The following GRIP1 variants were observed in gnomAD, a reference collection of about 807,000 sequenced individuals.
GRIP1 encodes the protein glutamate receptor-interacting protein 1.
In GRIP1, 45 loss-of-function variants were observed where a neutral mutation model predicts 129.9. The ratio of observed to expected loss-of-function variants is 0.35; its 90% CI spans 0.27 to 0.44. The LOEUF (loss-of-function observed/expected upper bound fraction) is 0.44. GRIP1 is among the 20% of genes least tolerant of loss of function. The pLI, the probability that GRIP1 is intolerant of heterozygous loss-of-function variation, is 1.00. For synonymous variants in GRIP1, 530 were observed against 520.8 expected (o/e 1.02, Z -0.24); for missense variants, 1,196 against 1,396.8 (o/e 0.86, Z 2.29).
At chr12:66,980,044 C>A (rs888188699) in intron 1 of GRIP1, among the ~76,000 whole-genome samples, 1 of 152,112 alleles carries the variant, frequency 6.6e-6, no homozygotes, top group African/African-American at 2.4e-5. Flanking sequence ...AGGAGAATGC[C>A]AGTGAGGCTT....
chr12:66,700,681 G>A (rs73128872), intron 1 of GRIP1, among the ~76,000 whole-genome samples: 12,165 of 152,108 alleles, frequency 0.08, 513 homozygotes, highest in East Asian at 0.096. Context: ...GGATAGGCTG[G>A]GGGGGAGAAT....
intron 1 of GRIP1, among the ~76,000 whole-genome samples, chr12:67,068,561 CA>C (rs2043672051): frequency 6.6e-6 from 1 of 152,072 alleles, no homozygotes; most frequent in Non-Finnish European, 1.5e-5. Flanking sequence ...GAATCTCCAG[CA>C]ACTTTGGGTT....
At chr12:66,685,538 T>C (rs1175744221) in intron 1 of GRIP1, among the ~76,000 whole-genome samples, 1 of 152,166 alleles carries the variant, frequency 6.6e-6, no homozygotes, top group Non-Finnish European at 1.5e-5. Context: ...AGACTAAAGC[T>C]GTCTTAAAAG....
intron 5 of GRIP1, among the ~76,000 whole-genome samples, chr12:66,528,857 C>A (rs1442329821): frequency 1.3e-5 from 2 of 152,000 alleles, no homozygotes; most frequent in Non-Finnish European, 2.9e-5. Flanking sequence ...ATTTTTCTAA[C>A]CCAGAGAGTG....
intron 1 of GRIP1, among the ~76,000 whole-genome samples, chr12:66,612,683 T>A (rs946109971): frequency 1.3e-5 from 2 of 151,946 alleles, no homozygotes; most frequent in African/African-American, 4.8e-5. Context: ...AATATCTAAA[T>A]ATAGAAAAGG....
rs1225918408 is a variant in GRIP1 at position 67,035,882 on chromosome 12, C to T, written c.58+33168G>A. Among the ~76,000 whole-genome samples, 3 of 152,270 alleles carry T rather than the reference C, an allele frequency of 2.0e-5. No homozygotes were observed. The East Asian group carries it at 5.8e-4, about 29-fold the overall frequency. ...TTTTTAACTTCTTAGTGCTGTACCT[C>T]CTTCCCAAAGAGTAAGCACTAAAAA... On this transcript the variant is annotated intron_variant, in intron 1 of 1. Coordinates refer to the GRIP1 transcript ENST00000643019.
At chr12:66,429,976 T>G (rs2137939509) in intron 14 of GRIP1, among the ~76,000 whole-genome samples, 1 of 152,332 alleles carries the variant, frequency 6.6e-6, no homozygotes, top group Middle Eastern at 3.4e-3. Flanking sequence ...AAGTCAGTCT[T>G]TCTTCTGTCT....
intron 1 of GRIP1, among the ~76,000 whole-genome samples, chr12:66,709,726 A>G (rs1163161738): frequency 6.6e-6 from 1 of 151,968 alleles, no homozygotes; most frequent in Non-Finnish European, 1.5e-5. Flanking sequence ...TGAAACTAAA[A>G]AAAGTAAATG....
intron 2 of GRIP1, chr12:66,563,816 A>G (rs1395787911): frequency 2.6e-5 from 4 of 152,202 alleles, no homozygotes; most frequent in African/African-American, 9.7e-5. Context: ...GTAAAAAATA[A>G]AAAAACAAGA....
chr12:66,659,654 G>A lies in GRIP1; in HGVS notation c.55+19196C>T, dbSNP rs188892460. 6.2e-3 allele frequency among the ~76,000 whole-genome samples: 941 copies of A among 152,240 alleles called. 9 individuals carry two copies. Among genetic ancestry groups the A allele is most frequent in the Middle Eastern group, 0.017 (5 of 294 alleles). On this transcript the variant is annotated intron_variant, in intron 1 of 24. Coordinates refer to ENST00000359742, the MANE Select transcript of GRIP1 (RefSeq NM_001366722.1). ...AACTCTATATGTACACAATCTAATA[G>A]AACAATTCTTTTACATTTAAAATTG...
chr12:66,417,606 A>G (rs2057654112), intron 15 of GRIP1, among the ~76,000 whole-genome samples: 1 of 152,214 alleles, frequency 6.6e-6, no homozygotes, highest in African/African-American at 2.4e-5. Flanking sequence ...CAGGCTTCAA[A>G]ATAAATAATA....
intron 1 of GRIP1, among the ~76,000 whole-genome samples, chr12:67,057,750 C>CT (rs1174981443): frequency 6.6e-6 from 1 of 152,224 alleles, no homozygotes; most frequent in Non-Finnish European, 1.5e-5. Context: ...AGATGCAGCA[C>CT]TACAGGTGTC....
intron 1 of GRIP1, among the ~76,000 whole-genome samples, chr12:66,676,360 T>C (rs938200852): frequency 6.6e-6 from 1 of 152,166 alleles, no homozygotes; most frequent in Non-Finnish European, 1.5e-5. Flanking sequence ...GAAATTGCAA[T>C]TGCCATATTG....
chr12:66,804,145 G>C (rs1002803267), exon 1 of GRIP1: 1 of 455,658 alleles, frequency 2.2e-6, no homozygotes, highest in African/African-American at 2.0e-5. Context: ...TCTTCTCCTA[G>C]ATCTTCTTAT....
At chr12:66,926,886 A>C (rs2041305538) in intron 1 of GRIP1, among the ~76,000 whole-genome samples, 1 of 152,254 alleles carries the variant, frequency 6.6e-6, no homozygotes, top group Admixed American at 6.5e-5. Context: ...AAATAAAAGC[A>C]TGCAGGCACA....
At chr12:66,638,518 T>A (rs2031618984) in intron 1 of GRIP1, among the ~76,000 whole-genome samples, 1 of 152,174 alleles carries the variant, frequency 6.6e-6, no homozygotes, top group African/African-American at 2.4e-5. Context: ...CACAAAATAG[T>A]TTTTTATAAT....
chr12:66,759,708 T>C (rs907149888), intron 1 of GRIP1, among the ~76,000 whole-genome samples: 10 of 152,156 alleles, frequency 6.6e-5, no homozygotes, highest in Non-Finnish European at 1.2e-4. Flanking sequence ...AAGTTCAAAG[T>C]TCCACAAATC....
intron 1 of GRIP1, among the ~76,000 whole-genome samples, chr12:66,956,014 CAA>C (rs1418923507): frequency 6.6e-6 from 1 of 152,168 alleles, no homozygotes; most frequent in Non-Finnish European, 1.5e-5. Context: ...GCAGATAATA[CAA>C]AGAGTTTCCA....
intron 1 of GRIP1, among the ~76,000 whole-genome samples, chr12:66,755,812 A>T (rs1343082705): frequency 6.6e-6 from 1 of 152,170 alleles, no homozygotes; most frequent in Non-Finnish European, 1.5e-5. Flanking sequence ...GAATGGGGAG[A>T]GAGCAGGGCA....
Sources: allele counts gnomAD v4.1 joint callset (sites outside exome capture counted in the v4.1 genomes callset), GRCh38; gene constraint gnomAD v4.1.1; transcripts MANE v1.5; gene names NCBI Gene and HGNC (gene_info 2026-07-23, HGNC 2026-07-21).